Variants in HS3ST3A1 observed in about 807,000 individuals in gnomAD.
HS3ST3A1 encodes heparan sulfate-glucosamine 3-sulfotransferase 3A1, also known as heparan sulfate glucosamine 3-O-sulfotransferase 3A1.
In HS3ST3A1, 19 loss-of-function variants were observed where a neutral mutation model predicts 25.7. The ratio of observed to expected loss-of-function variants is 0.74; its 90% CI spans 0.52 to 1.08. The LOEUF is 1.08. Ranked by LOEUF, HS3ST3A1 falls within the 50% of genes least tolerant of loss-of-function variation. HS3ST3A1 has a pLI of 0.00. For missense variants in HS3ST3A1, 459 were observed against 594.3 expected (o/e 0.77, Z 2.37); for synonymous variants, 226 against 278.6 (o/e 0.81, Z 1.88).
chr17:13,584,506 G>GGAAGGAAGGAAAAAAGGAAGGAAGGAAA (rs2142385617), intron 1 of HS3ST3A1, among the ~76,000 whole-genome samples: 1 of 144,208 alleles, frequency 6.9e-6, no homozygotes, highest in Admixed American at 7.2e-5. Flanking sequence ...AGGCAAAGAA[G>GGAAGGAAGGAAAAAAGGAAGGAAGGAAA]GAAGGAAGGA....
chr17:13,537,570 G>C (rs1007293974), intron 1 of HS3ST3A1, among the ~76,000 whole-genome samples: 1 of 152,194 alleles, frequency 6.6e-6, no homozygotes, highest in African/African-American at 2.4e-5. Flanking sequence ...TGGTTTGAGA[G>C]AAATTAATGC....
At chr17:13,510,147 G>A (rs969360930) in intron 1 of HS3ST3A1, among the ~76,000 whole-genome samples, 6 of 152,236 alleles carry the variant, frequency 3.9e-5, no homozygotes, top group African/African-American at 1.4e-4. Context: ...CCAAGGGCAG[G>A]CCCCTCTCCT....
At chr17:13,511,477 T>TA (rs1200808189) in intron 1 of HS3ST3A1, among the ~76,000 whole-genome samples, 2 of 152,104 alleles carry the variant, frequency 1.3e-5, no homozygotes, top group Non-Finnish European at 1.5e-5. Flanking sequence ...CCTCTTGAAG[T>TA]AAAAGTATCA....
chr17:13,588,014 G>A (rs1479653301), intron 1 of HS3ST3A1, among the ~76,000 whole-genome samples: 1 of 152,152 alleles, frequency 6.6e-6, no homozygotes, highest in Non-Finnish European at 1.5e-5. Context: ...AGCTGCGGGT[G>A]CTCACCTGAG....
intron 1 of HS3ST3A1, among the ~76,000 whole-genome samples, chr17:13,593,223 T>C (rs1472279582): frequency 9.5e-6 from 1 of 105,666 alleles, no homozygotes; most frequent in African/African-American, 3.6e-5. Context: ...GTTCCTTCTA[T>C]GTTTGTAGCC....
At chr17:13,555,209 G>A (rs1194937141) in intron 1 of HS3ST3A1, among the ~76,000 whole-genome samples, 2 of 152,078 alleles carry the variant, frequency 1.3e-5, no homozygotes, top group South Asian at 4.2e-4. Context: ...TCTGCCTGGA[G>A]TTCATCCTCC....
chr17:13,515,219 G>C (rs1906011407), intron 1 of HS3ST3A1, among the ~76,000 whole-genome samples: 1 of 152,164 alleles, frequency 6.6e-6, no homozygotes, highest in African/African-American at 2.4e-5. Context: ...GGAGTGCAGG[G>C]CACTATCTTG....
rs147527619 is a variant in HS3ST3A1, at chr17:13,551,046, G to A, written c.599+49485C>T. On this transcript the variant is annotated intron_variant, in intron 1 of 1. Transcript: ENST00000284110. ...CGCGTCACTGCACTCCAGCCTGGGC[G>A]ACAGAGCGAGACTCTGTCTCAAAAA... 9.2e-3 allele frequency among the ~76,000 whole-genome samples: 1,102 copies of A among 119,702 alleles called. 13 individuals carry two copies. Among genetic ancestry groups the A allele is most frequent in the African/African-American group, 0.035 (1,049 of 29,556 alleles). 78.5% of individuals were successfully genotyped at this position (119,702 alleles called of 152,430 possible). A position where few individuals can be genotyped will look rare whatever the true frequency, so the allele number is the denominator to read the frequency against.
rs546291704 is a variant in HS3ST3A1 at position 13,545,184 on chromosome 17, C to G, written c.600-48366G>C. On this transcript the variant is annotated intron_variant, in intron 1 of 1. Coordinates refer to ENST00000284110, the MANE Select transcript of HS3ST3A1 (RefSeq NM_006042.3). ...GGTGTCTGACAACTACCAAGATCAC[C>G]CATGAATAAATATCGGGCCTTACCC... 3.9e-5 allele frequency among the ~76,000 whole-genome samples: 6 copies of G among 152,304 alleles called. No homozygotes were observed. In the East Asian group the frequency reaches 1.2e-3, roughly 29 times the overall value.
intron 1 of HS3ST3A1, among the ~76,000 whole-genome samples, chr17:13,522,664 C>T (rs1339732235): frequency 1.3e-5 from 2 of 152,014 alleles, no homozygotes; most frequent in Non-Finnish European, 2.9e-5. Context: ...TGACACAGGT[C>T]AGATGGTTAA....
chr17:13,527,621 C>A (rs377080561), intron 1 of HS3ST3A1, among the ~76,000 whole-genome samples: 1 of 152,132 alleles, frequency 6.6e-6, no homozygotes, highest in African/African-American at 2.4e-5. Flanking sequence ...TTTGGAAATG[C>A]GTCTAAGATA....
chr17:13,528,920 G>A (rs1403181031), intron 1 of HS3ST3A1, among the ~76,000 whole-genome samples: 1 of 151,460 alleles, frequency 6.6e-6, no homozygotes, highest in Non-Finnish European at 1.5e-5. Context: ...ATGTGGACGT[G>A]TGCAGTGGTC....
chr17:13,543,746 T>C (rs1907004143), intron 1 of HS3ST3A1: 1 of 153,902 alleles, frequency 6.5e-6, no homozygotes, highest in African/African-American at 2.4e-5. Context: ...TTTTAACTGT[T>C]AAAGCTTTTC....
chr17:13,568,892 A>G (rs138744868), intron 1 of HS3ST3A1, among the ~76,000 whole-genome samples: 150 of 152,320 alleles, frequency 9.8e-4, no homozygotes, highest in African/African-American at 3.4e-3. Flanking sequence ...ACTTCACGGG[A>G]AGCATAAACT....
intron 1 of HS3ST3A1, among the ~76,000 whole-genome samples, chr17:13,555,491 G>A (rs578094139): frequency 2.0e-5 from 3 of 152,132 alleles, no homozygotes; most frequent in South Asian, 4.1e-4. Flanking sequence ...AGACTCACCT[G>A]TCTTCTCCAA....
intron 1 of HS3ST3A1, among the ~76,000 whole-genome samples, chr17:13,513,602 C>T (rs907559792): frequency 1.3e-5 from 2 of 152,182 alleles, no homozygotes; most frequent in Non-Finnish European, 2.9e-5. Context: ...TTATATTGTG[C>T]ACACACTATT....
intron 1 of HS3ST3A1, among the ~76,000 whole-genome samples, chr17:13,526,474 TTA>T (rs58701744): frequency 0.064 from 4,826 of 75,818 alleles, 129 homozygotes; most frequent in East Asian, 0.078. Context: ...ACTTTAATTT[TTA>T]TATATATATA....
At position 13,600,688 on chromosome 17, in the gene HS3ST3A1, C is replaced by A. The variant is rs866889757; in HGVS notation, c.442G>T (p.Gly148Cys). Residue 148 changes from glycine to cysteine, a missense_variant, in exon 1 of 2, where the codon GGC (glycine) becomes TGC (cysteine). By Grantham distance (159) the Gly-to-Cys change is radical. Transcript: ENST00000284110. ...ATGGCCTGCGGCAGCTGCTTGCTGCCTTCGTCCAGGAGCAGCGCCAGGGTC... is the reference window on the plus strand; with the variant it reads ...ATGGCCTGCGGCAGCTGCTTGCTGCATTCGTCCAGGAGCAGCGCCAGGGTC... ...PGTLALLLDE[G>C]SKQLPQAIII... 6.3e-7 allele frequency: 1 copy of A among 1,581,110 alleles called. No individual in the cohort carries two copies. Among genetic ancestry groups the A allele is most frequent in the East Asian group, 2.3e-5 (1 of 43,702 alleles).
intron 1 of HS3ST3A1, among the ~76,000 whole-genome samples, chr17:13,509,130 T>A (rs919940544): frequency 5.3e-5 from 8 of 152,124 alleles, no homozygotes; most frequent in Non-Finnish European, 7.4e-5. Flanking sequence ...ACACCTAGGC[T>A]ACTGACAAAT....
Sources: gnomAD v4.1 joint callset for allele counts (sites outside exome capture counted in the v4.1 genomes callset) on GRCh38, gnomAD v4.1.1 for gene constraint, MANE v1.5 for transcripts, NCBI Gene and HGNC (gene_info 2026-07-23, HGNC 2026-07-21) for gene names.